Variants in EPC1 observed in about 807,000 individuals in gnomAD.
EPC1 encodes the protein enhancer of polycomb homolog 1.
In EPC1, 12 loss-of-function variants were observed where a neutral mutation model predicts 98.4. The observed-to-expected ratio is 0.12, with a 90% CI of 0.08 to 0.20. The LOEUF is 0.20. Ranked by LOEUF, EPC1 falls within the 10% of genes least tolerant of loss-of-function variation. The pLI is 1.00. For synonymous variants in EPC1, 357 were observed against 363.9 expected, an observed-to-expected ratio of 0.98 and a Z score of 0.21; for missense variants, 729 against 990.5, an observed-to-expected ratio of 0.74 and a Z score of 3.54.
chr10:32,367,334 C>A (rs761774392), intron 1 of EPC1, among the ~76,000 whole-genome samples: 3 of 152,160 alleles, frequency 2.0e-5, no homozygotes, highest in Non-Finnish European at 4.4e-5. Context: ...GAGCCACCGT[C>A]CCCGGCCCCA....
chr10:32,288,305 CTTTT>C (rs1464678680), intron 6 of EPC1, among the ~76,000 whole-genome samples: 80 of 139,414 alleles, frequency 5.7e-4, no homozygotes, highest in African/African-American at 2.1e-3. Flanking sequence ...TTATCTATTA[CTTTT>C]TTCTTTTTTT....
chr10:32,367,322 A>G (rs1448698343), intron 1 of EPC1, among the ~76,000 whole-genome samples: 2 of 152,242 alleles, frequency 1.3e-5, no homozygotes. Flanking sequence ...AAAGACTGGC[A>G]TGAGCCACCG....
At chr10:32,316,961 A>C (rs1836591602) in intron 1 of EPC1, among the ~76,000 whole-genome samples, 1 of 152,236 alleles carries the variant, frequency 6.6e-6, no homozygotes. Context: ...AAAATAAATA[A>C]TAACATGGAA....
chr10:32,291,291 T>C lies in EPC1; in HGVS notation c.847A>G (p.Met283Val), dbSNP rs73245661. The C allele has an allele frequency of 0.01, 16,625 of 1,613,664 alleles. 1,194 individuals are homozygous for C. In the African/African-American group the frequency reaches 0.17, roughly 17 times the overall value. ...YNLGDYNGEI[M>V]SEVMAQRQPM... ...TGTCTCTGTGCCATAACCTCAGACA[T>C]GATCTCTCCATTGTAGTCGCCCAAA... Residue 283 changes from methionine to valine, a missense_variant, in exon 6 of 14, where the codon ATG becomes GTG. Physicochemically the swap from Met to Val is conservative, Grantham distance 21. Coordinates refer to ENST00000319778, the MANE Select transcript of EPC1 (RefSeq NM_001272004.3).
chr10:32,300,656 A>C (rs962953667), intron 2 of EPC1, among the ~76,000 whole-genome samples: 2 of 151,364 alleles, frequency 1.3e-5, no homozygotes, highest in African/African-American at 4.9e-5. Context: ...CTGGTCTCGA[A>C]CTCCCGACCC....
At chr10:32,272,193 TA>T in intron 11 of EPC1, 26 bp from the exon 12 acceptor site, 1 of 1,583,512 alleles carries the variant, frequency 6.3e-7, no homozygotes, top group East Asian at 2.3e-5. Context: ...AAAAGAAATC[TA>T]ATCAGTATCA....
intron 1 of EPC1, among the ~76,000 whole-genome samples, chr10:32,313,972 T>C (rs1228504246): frequency 6.6e-6 from 1 of 152,126 alleles, no homozygotes; most frequent in African/African-American, 2.4e-5. Flanking sequence ...ATTTATAACA[T>C]GCTGGATGGG....
chr10:32,271,944 A>G (rs1179795017), intron 12 of EPC1, 27 bp from the exon 13 acceptor site: 2 of 1,605,068 alleles, frequency 1.2e-6, no homozygotes, highest in East Asian at 2.2e-5. Flanking sequence ...AGAAACATCT[A>G]AACAATGTAC....
chr10:32,341,344 TAG>T (rs1838340904), intron 1 of EPC1, among the ~76,000 whole-genome samples: 1 of 152,234 alleles, frequency 6.6e-6, no homozygotes, highest in Admixed American at 6.5e-5. Context: ...TGTGTGTGTA[TAG>T]ATTCTATGTT....
chr10:32,352,258 A>G (rs1402860081), intron 1 of EPC1, among the ~76,000 whole-genome samples: 1 of 151,032 alleles, frequency 6.6e-6, no homozygotes, highest in African/African-American at 2.4e-5. Context: ...TGTGTTAGCC[A>G]GGATGGTCTC....
Position 32,269,069 on chromosome 10 carries a change from C to G in EPC1, c.2436G>C (p.Val812=). 2 of 1,613,606 alleles carry G rather than the reference C, an allele frequency of 1.2e-6. No homozygotes were observed. The highest frequency in any genetic ancestry group is 1.7e-6 in the Non-Finnish European group (2 of 1,179,634). Residue 812 remains valine (V), a synonymous_variant, in exon 14 of 14, where the codon GTG becomes GTC. Coordinates refer to ENST00000319778, the MANE Select transcript of EPC1 (RefSeq NM_001272004.3). Reference sequence around the variant, plus strand: ...CAGTTCCACTCGGAGGAAGCTACGTCACCTCCATCGCTACTGTGTTGTCTG... The same window carrying G: ...CAGTTCCACTCGGAGGAAGCTACGTGACCTCCATCGCTACTGTGTTGTCTG... ...NIADNTVAME[V]T is the part of the protein sequence containing the mutation.
At chr10:32,310,112 T>C (rs572469476) in intron 1 of EPC1, among the ~76,000 whole-genome samples, 4 of 152,198 alleles carry the variant, frequency 2.6e-5, no homozygotes, top group South Asian at 4.2e-4. Flanking sequence ...AGAGAATCGC[T>C]TGAACCCAGG....
At chr10:32,345,399 A>C (rs553939397) in intron 1 of EPC1, 4 of 985,328 alleles carry the variant, frequency 4.1e-6, no homozygotes, top group Admixed American at 6.1e-5. Flanking sequence ...TTTTATTTCC[A>C]AAAACAACAT....
chr10:32,312,449 A>C (rs1836295508), intron 1 of EPC1, among the ~76,000 whole-genome samples: 1 of 152,262 alleles, frequency 6.6e-6, no homozygotes, highest in African/African-American at 2.4e-5. Context: ...ATCTATACAG[A>C]AAACAATCTA....
intron 1 of EPC1, among the ~76,000 whole-genome samples, chr10:32,366,640 T>C (rs1185260550): frequency 6.6e-6 from 1 of 152,074 alleles, no homozygotes; most frequent in Non-Finnish European, 1.5e-5. Flanking sequence ...TAGTGATAAA[T>C]ATGAGGTATT....
At chr10:32,283,844 T>C (rs1262757768) in intron 10 of EPC1, 5 of 152,090 alleles carry the variant, frequency 3.3e-5, no homozygotes, top group Non-Finnish European at 7.3e-5. Flanking sequence ...CCTCATGTTG[T>C]TCAGGGGTCA....
chr10:32,354,792 C>G (rs1839223411), intron 1 of EPC1, among the ~76,000 whole-genome samples: 1 of 152,086 alleles, frequency 6.6e-6, no homozygotes, highest in African/African-American at 2.4e-5. Flanking sequence ...CATTACCACC[C>G]AAGCTTCACC....
chr10:32,342,978 G>A (rs1173549039), intron 1 of EPC1, among the ~76,000 whole-genome samples: 3 of 152,134 alleles, frequency 2.0e-5, no homozygotes, highest in Non-Finnish European at 2.9e-5. Flanking sequence ...CGTAGCACAA[G>A]ATTTAAGATT....
rs190811181 is a variant in EPC1, at chr10:32,285,310, T to C, written c.1392-260A>G. 1.3e-5 allele frequency: 5 copies of C among 383,766 alleles called. No homozygotes were observed. The East Asian group carries it at 1.4e-4, about 11-fold the overall frequency. 23.8% of individuals were successfully genotyped at this position (383,766 alleles called of 1,614,324 possible). ...ACCAAAATGAATGCTTTATAAAATG[T>C]TGCGAACACATTTATTCTATATTTA... On this transcript the variant is annotated intron_variant, in intron 9 of 13. Transcript: ENST00000319778.
Sources: gnomAD v4.1 joint callset for allele counts (sites outside exome capture counted in the v4.1 genomes callset) on GRCh38, gnomAD v4.1.1 for gene constraint, MANE v1.5 for transcripts, NCBI Gene and HGNC (gene_info 2026-07-23, HGNC 2026-07-21) for gene names.